Variants in DPP10 observed in about 807,000 individuals in gnomAD.
The protein encoded by DPP10 is inactive dipeptidyl peptidase 10.
In DPP10, 33 loss-of-function variants were observed where a neutral mutation model predicts 120.9. That is an observed-to-expected ratio of 0.27 (90% confidence interval 0.21 to 0.37). DPP10 has a LOEUF of 0.37. DPP10 is among the 10% of genes least tolerant of loss of function. DPP10 has a pLI of 1.00. For synonymous variants in DPP10, 337 were observed against 326.1 expected (o/e 1.03, Z -0.36); for missense variants, 816 against 942.8 (o/e 0.87, Z 1.76).
chr2:115,488,880 T>TAAAAAAAAAAAAA (rs35020299), intron 3 of DPP10, among the ~76,000 whole-genome samples: 1 of 126,744 alleles, frequency 7.9e-6, no homozygotes, highest in Non-Finnish European at 1.6e-5. Context: ...TAGAGTATAA[T>TAAAAAAAAAAAAA]AAAAAAAAAA....
At chr2:115,780,476 T>C (rs1285839905) in intron 15 of DPP10, among the ~76,000 whole-genome samples, 1 of 151,876 alleles carries the variant, frequency 6.6e-6, no homozygotes, top group Non-Finnish European at 1.5e-5. Flanking sequence ...GCATATTCCT[T>C]CTTTCAATTA....
intron 1 of DPP10, among the ~76,000 whole-genome samples, chr2:115,293,934 A>G (rs1574324187): frequency 6.6e-6 from 1 of 152,126 alleles, no homozygotes; most frequent in Admixed American, 6.6e-5. Flanking sequence ...AAGTCAAAAG[A>G]TGGAGATAAA....
At chr2:114,461,752 G>A (rs946447670) in intron 1 of DPP10, 1 of 985,402 alleles carries the variant, frequency 1.0e-6, no homozygotes, top group African/African-American at 1.7e-5. Flanking sequence ...ACAGTCTGGG[G>A]CTCAGTGCTG....
At chr2:115,354,721 C>T (rs1206714912) in intron 3 of DPP10, among the ~76,000 whole-genome samples, 3 of 151,804 alleles carry the variant, frequency 2.0e-5, no homozygotes, top group South Asian at 4.1e-4. Context: ...CAACAATAGG[C>T]CCTGGTGTGT....
At chr2:114,500,670 A>C (rs1263000136) in intron 1 of DPP10, among the ~76,000 whole-genome samples, 1 of 148,646 alleles carries the variant, frequency 6.7e-6, no homozygotes. Flanking sequence ...CAGGAAAAAC[A>C]AAACAAAACA....
chr2:115,001,182 C>G (rs977521627), intron 1 of DPP10, among the ~76,000 whole-genome samples: 1 of 152,140 alleles, frequency 6.6e-6, no homozygotes, highest in Non-Finnish European at 1.5e-5. Flanking sequence ...TTTAAATTTT[C>G]AGTGCTAACC....
At chr2:115,415,869 A>ATATATATATC in intron 3 of DPP10, among the ~76,000 whole-genome samples, 1 of 137,706 alleles carries the variant, frequency 7.3e-6, no homozygotes, top group Non-Finnish European at 1.6e-5. Context: ...ATATATATAT[A>ATATATATATC]TATATATGCA....
At chr2:114,686,041 A>G (rs906322206) in intron 1 of DPP10, among the ~76,000 whole-genome samples, 8 of 151,888 alleles carry the variant, frequency 5.3e-5, no homozygotes, top group Non-Finnish European at 8.8e-5. Context: ...AGTTTCCAGT[A>G]TAGGACATGA....
At chr2:114,720,400 A>G (rs960702495) in intron 1 of DPP10, among the ~76,000 whole-genome samples, 1 of 152,210 alleles carries the variant, frequency 6.6e-6, no homozygotes, top group Non-Finnish European at 1.5e-5. Flanking sequence ...GTTTACTGCC[A>G]CGGTTGAAGG....
chr2:115,760,152 A>G (rs946243094), intron 11 of DPP10, among the ~76,000 whole-genome samples: 3 of 152,232 alleles, frequency 2.0e-5, no homozygotes, highest in Non-Finnish European at 4.4e-5. Context: ...TACAATAGCT[A>G]AAAAGTAGAG....
At chr2:114,786,289 G>A (rs1256875233) in intron 1 of DPP10, among the ~76,000 whole-genome samples, 1 of 152,136 alleles carries the variant, frequency 6.6e-6, no homozygotes, top group East Asian at 1.9e-4. Context: ...TTAATGATTT[G>A]TGTTTGGTGC....
chr2:115,197,487 G>A (rs555808551), intron 1 of DPP10, among the ~76,000 whole-genome samples: 1 of 152,168 alleles, frequency 6.6e-6, no homozygotes, highest in South Asian at 2.1e-4. Context: ...GGAGTTACTA[G>A]GAGAGTTTCA....
At chr2:115,059,121 G>C (rs1706184234) in intron 1 of DPP10, among the ~76,000 whole-genome samples, 1 of 151,878 alleles carries the variant, frequency 6.6e-6, no homozygotes, top group Non-Finnish European at 1.5e-5. Context: ...AGGGAGGAAG[G>C]AGAAAGAAAA....
At chr2:115,188,319 A>G (rs2054616875) in intron 1 of DPP10, among the ~76,000 whole-genome samples, 1 of 152,230 alleles carries the variant, frequency 6.6e-6, no homozygotes, top group Admixed American at 6.5e-5. Context: ...GATTGGAAAT[A>G]TGGGAGAAAA....
intron 1 of DPP10, among the ~76,000 whole-genome samples, chr2:114,990,143 A>G (rs1039090091): frequency 5.9e-5 from 9 of 152,170 alleles, no homozygotes; most frequent in African/African-American, 1.9e-4. Flanking sequence ...AAGCTAATTA[A>G]TGGTTTTGCA....
At chr2:115,302,634 A>G (rs1243140141) in intron 1 of DPP10, among the ~76,000 whole-genome samples, 1 of 151,894 alleles carries the variant, frequency 6.6e-6, no homozygotes, top group African/African-American at 2.4e-5. Context: ...AACAAAATAA[A>G]TAAAACAAAC....
intron 5 of DPP10, among the ~76,000 whole-genome samples, chr2:115,663,319 A>T (rs1293743768): frequency 1.3e-5 from 2 of 152,202 alleles, no homozygotes; most frequent in Non-Finnish European, 2.9e-5. Flanking sequence ...GTATAATAAG[A>T]TCAAATGAAA....
chr2:115,042,441 A>G (rs1433408136), intron 1 of DPP10, among the ~76,000 whole-genome samples: 1 of 152,176 alleles, frequency 6.6e-6, no homozygotes, highest in East Asian at 1.9e-4. Flanking sequence ...TATTTTTTGT[A>G]TTTTGAGTAA....
chr2:114,456,993 C>T (rs900328399), intron 1 of DPP10, among the ~76,000 whole-genome samples: 7 of 152,112 alleles, frequency 4.6e-5, no homozygotes, highest in Non-Finnish European at 8.8e-5. Context: ...AAAAGTGATG[C>T]TATCTATGCC....
Sources: gnomAD v4.1 joint callset for allele counts (sites outside exome capture counted in the v4.1 genomes callset) on GRCh38, gnomAD v4.1.1 for gene constraint, MANE v1.5 for transcripts, NCBI Gene and HGNC (gene_info 2026-07-23, HGNC 2026-07-21) for gene names.